WASF1: variants seen among roughly 807,000 people sequenced by gnomAD.
WASF1 encodes the protein actin-binding protein WASF1.
WASF1 carries 7 observed loss-of-function variants against 50.5 expected under a neutral mutation model. The observed-to-expected ratio is 0.14, with a 90% CI of 0.08 to 0.26. The LOEUF is 0.26. WASF1 is among the 10% of genes least tolerant of loss of function. The pLI, the probability that WASF1 is intolerant of heterozygous loss-of-function variation, is 1.00. For synonymous variants in WASF1, 205 were observed against 244.0 expected (o/e 0.84, Z 1.49); for missense variants, 470 against 694.7 (o/e 0.68, Z 3.64).
At chr6:110,109,152 A>G (rs943473260) in intron 5 of WASF1, among the ~76,000 whole-genome samples, 5 of 152,124 alleles carry the variant, frequency 3.3e-5, no homozygotes, top group Admixed American at 6.5e-5. Flanking sequence ...TATACTATAA[A>G]TATTGTATGT....
At chr6:110,154,795 G>T (rs1219995029) in intron 3 of WASF1, among the ~76,000 whole-genome samples, 1 of 151,928 alleles carries the variant, frequency 6.6e-6, no homozygotes, top group African/African-American at 2.4e-5. Flanking sequence ...TTCAGCCATG[G>T]TTTATAACTT....
At chr6:110,118,980 G>T (rs1049769710) in intron 4 of WASF1, among the ~76,000 whole-genome samples, 6 of 152,164 alleles carry the variant, frequency 3.9e-5, no homozygotes, top group African/African-American at 1.4e-4. Flanking sequence ...AAATAAAGAT[G>T]TTCTTTGAAA....
intron 2 of WASF1, among the ~76,000 whole-genome samples, chr6:110,163,128 T>TCACAC (rs1211172734): frequency 1.3e-5 from 2 of 151,568 alleles, no homozygotes; most frequent in Non-Finnish European, 3.0e-5. Flanking sequence ...TAATAACATA[T>TCACAC]GTTGCAGCCC....
chr6:110,128,076 T>C (rs777252106), intron 3 of WASF1, among the ~76,000 whole-genome samples: 3 of 152,182 alleles, frequency 2.0e-5, no homozygotes, highest in Non-Finnish European at 4.4e-5. Flanking sequence ...CACACAGATT[T>C]TCAGCAATGC....
At chr6:110,176,660 CCTG>C (rs1407790907) in intron 2 of WASF1, among the ~76,000 whole-genome samples, 1 of 151,848 alleles carries the variant, frequency 6.6e-6, no homozygotes, top group African/African-American at 2.4e-5. Context: ...AAATTGAGCC[CCTG>C]CTATTTGTTA....
chr6:110,134,383 T>C (rs978975113), intron 3 of WASF1, among the ~76,000 whole-genome samples: 3 of 152,114 alleles, frequency 2.0e-5, no homozygotes, highest in African/African-American at 2.4e-5. Context: ...TCTGACTTTA[T>C]TTCTGGGTTC....
intron 7 of WASF1, among the ~76,000 whole-genome samples, chr6:110,106,071 T>C (rs577941610): frequency 7.2e-5 from 11 of 152,298 alleles, no homozygotes; most frequent in African/African-American, 2.2e-4. Flanking sequence ...ACAGAAAACA[T>C]TGTCTTTAAA....
chr6:110,146,745 A>G (rs1562181526), intron 3 of WASF1, among the ~76,000 whole-genome samples: 7 of 152,162 alleles, frequency 4.6e-5, no homozygotes, highest in Admixed American at 1.3e-4. Context: ...ACTGAAGTTC[A>G]AAATAACTTC....
intron 7 of WASF1, among the ~76,000 whole-genome samples, chr6:110,106,792 G>C (rs1270579824): frequency 6.6e-6 from 1 of 152,184 alleles, no homozygotes. Flanking sequence ...TTTGTGGGAA[G>C]GGTTTACCCT....
rs1332874835 is a variant in WASF1, at chr6:110,101,926, T to G, written c.1184A>C (p.Gln395Pro). ...APPPIAPPLV[Q>P]PSPPVARAAP... ...AGCTCTAGCTACTGGTGGAGAGGGCTGTACTAGAGGAGGTGCAATTGGAGG... is the reference window on the plus strand; with the variant it reads ...AGCTCTAGCTACTGGTGGAGAGGGCGGTACTAGAGGAGGTGCAATTGGAGG... The change falls in exon 10 of 11, where the codon CAG becomes CCG. Residue 395 changes from glutamine to proline, a missense_variant. Physicochemically the swap from Gln to Pro is moderately conservative, Grantham distance 76. Around this residue, in one of 3 missense-constraint regions of WASF1, gnomAD observed 294 missense variants for 343.5 expected, o/e 0.86. Coordinates refer to ENST00000392589, the MANE Select transcript of WASF1 (RefSeq NM_003931.3). 1.2e-6 allele frequency: 2 copies of G among 1,611,134 alleles called. No homozygotes were observed. The highest frequency in any genetic ancestry group is 3.3e-5 in the Admixed American group (2 of 59,884).
chr6:110,167,607 A>G lies in WASF1; in HGVS notation c.-126-6875T>C, dbSNP rs536871217. 7.9e-5 allele frequency among the ~76,000 whole-genome samples: 12 copies of G among 152,020 alleles called. No individual in the cohort carries two copies. The South Asian group carries it at 2.3e-3, about 29-fold the overall frequency. On this transcript the variant is annotated intron_variant, in intron 2 of 10. Transcript: ENST00000392589. ...TTTTCTCTTATTTTTATCTAAGCTC[A>G]CTTCATTAGTAATCTCATTCATATT...
At chr6:110,117,984 G>A (rs1169513501) in intron 4 of WASF1, among the ~76,000 whole-genome samples, 2 of 152,026 alleles carry the variant, frequency 1.3e-5, no homozygotes, top group African/African-American at 4.8e-5. Context: ...GTCACCACAA[G>A]GCCTGCCTTA....
chr6:110,165,611 A>G (rs1776443400), intron 2 of WASF1, among the ~76,000 whole-genome samples: 1 of 151,716 alleles, frequency 6.6e-6, no homozygotes, highest in Non-Finnish European at 1.5e-5. Flanking sequence ...TATAAACATG[A>G]TCATTTAAGA....
chr6:110,119,855 C>T (rs1390515206), intron 4 of WASF1, among the ~76,000 whole-genome samples: 4 of 152,152 alleles, frequency 2.6e-5, no homozygotes, highest in Non-Finnish European at 5.9e-5. Context: ...ATCAAGTCAG[C>T]TTCATCCCTG....
At chr6:110,159,101 T>C (rs749113071) in intron 3 of WASF1, among the ~76,000 whole-genome samples, 3 of 151,990 alleles carry the variant, frequency 2.0e-5, no homozygotes, top group African/African-American at 7.2e-5. Flanking sequence ...TTTCTCCGTA[T>C]GTCCCATAGC....
At chr6:110,101,158 T>C (rs1562159370) in intron 10 of WASF1, among the ~76,000 whole-genome samples, 1 of 152,194 alleles carries the variant, frequency 6.6e-6, no homozygotes, top group East Asian at 1.9e-4. Context: ...CTTTCCTTTG[T>C]TACTAAGGGA....
At chr6:110,129,828 C>T (rs1364563062) in intron 3 of WASF1, among the ~76,000 whole-genome samples, 1 of 152,108 alleles carries the variant, frequency 6.6e-6, no homozygotes, top group East Asian at 1.9e-4. Context: ...ACATTTTAAC[C>T]TACAATAGAA....
At chr6:110,142,110 AAT>A (rs1485339034) in intron 3 of WASF1, among the ~76,000 whole-genome samples, 5 of 152,222 alleles carry the variant, frequency 3.3e-5, no homozygotes, top group Non-Finnish European at 5.9e-5. Context: ...TGAGAAAAAT[AAT>A]ATCTTACAAA....
intron 3 of WASF1, among the ~76,000 whole-genome samples, chr6:110,150,934 G>C (rs534263415): frequency 9.8e-4 from 150 of 152,320 alleles, no homozygotes; most frequent in Non-Finnish European, 1.8e-3. Flanking sequence ...CTACTTGGGA[G>C]GCTGAGGCAG....
Sources: gnomAD v4.1 joint callset for allele counts (sites outside exome capture counted in the v4.1 genomes callset) on GRCh38, gnomAD v4.1.1 for gene constraint, gnomAD v4.1.1 regional missense constraint, MANE v1.5 for transcripts, NCBI Gene and HGNC (gene_info 2026-07-23, HGNC 2026-07-21) for gene names.